VPS8: variants seen among roughly 807,000 people sequenced by gnomAD.
VPS8 encodes vacuolar protein sorting-associated protein 8 homolog.
VPS8 carries 129 observed loss-of-function variants against 216.4 expected under a neutral mutation model. The ratio of observed to expected loss-of-function variants is 0.60; its 90% CI spans 0.52 to 0.69. The LOEUF (loss-of-function observed/expected upper bound fraction) is 0.69. Among genes scored for constraint, VPS8 ranks in the 30% least tolerant of loss-of-function variants. VPS8 has a pLI of 0.00. For synonymous variants in VPS8, 571 were observed against 565.4 expected (o/e 1.01, Z -0.14); for missense variants, 1,531 against 1,683.5 (o/e 0.91, Z 1.59).
chr3:184,821,612 A>C (rs564311600), intron 1 of VPS8, among the ~76,000 whole-genome samples: 1 of 151,970 alleles, frequency 6.6e-6, no homozygotes, highest in Non-Finnish European at 1.5e-5. Flanking sequence ...CAGCCTCCCA[A>C]AGTGCTAGGA....
At chr3:184,949,918 T>G (rs896419852) in intron 36 of VPS8, among the ~76,000 whole-genome samples, 2 of 152,078 alleles carry the variant, frequency 1.3e-5, no homozygotes, top group Admixed American at 6.6e-5. Flanking sequence ...TGTTGTTGTT[T>G]TTTAATTGAG....
chr3:185,015,459 GC>G (rs1037715176), intron 45 of VPS8, among the ~76,000 whole-genome samples: 2 of 152,200 alleles, frequency 1.3e-5, no homozygotes, highest in African/African-American at 4.8e-5. Flanking sequence ...CATATCAAAA[GC>G]AGTCAATACC....
In VPS8 at chr3:184,924,843, G is replaced by T. The variant is rs769659333; in HGVS notation, c.2455-19G>T. ...AAACCAAATGGTGTATTGAATAAAT[G>T]GTCTCCTTTGCTCTTCAGGTTATGG... On this transcript the variant is annotated intron_variant, in intron 29 of 47. Transcript: ENST00000625842. 87 of 1,587,306 alleles carry T rather than the reference G, an allele frequency of 5.5e-5. No individual in the cohort carries two copies. In the Middle Eastern group the frequency reaches 6.7e-4, roughly 12 times the overall value.
chr3:184,917,176 A>G (rs1737740429), intron 28 of VPS8, among the ~76,000 whole-genome samples: 1 of 152,240 alleles, frequency 6.6e-6, no homozygotes, highest in South Asian at 2.1e-4. Context: ...CAAAACATTA[A>G]TAGAAGTTAG....
intron 42 of VPS8, among the ~76,000 whole-genome samples, chr3:184,987,976 CAT>C (rs1245926357): frequency 1.3e-5 from 2 of 152,198 alleles, no homozygotes; most frequent in African/African-American, 2.4e-5. Context: ...TCTCTTACAA[CAT>C]GTGATATTGA....
chr3:185,013,245 T>C (rs1755302645), intron 45 of VPS8, among the ~76,000 whole-genome samples: 1 of 152,224 alleles, frequency 6.6e-6, no homozygotes, highest in East Asian at 1.9e-4. Context: ...ATGGCCAGTT[T>C]GGGGGCCAGT....
chr3:184,947,103 A>G (rs149944480), intron 36 of VPS8, among the ~76,000 whole-genome samples: 1 of 152,348 alleles, frequency 6.6e-6, no homozygotes, highest in East Asian at 1.9e-4. Context: ...GTGGAGAGAT[A>G]GTAAAATCTG....
chr3:184,844,231 G>C (rs546453254), intron 8 of VPS8, among the ~76,000 whole-genome samples: 1 of 152,160 alleles, frequency 6.6e-6, no homozygotes, highest in East Asian at 1.9e-4. Context: ...AGACCAGCCT[G>C]GCCAACATGG....
chr3:184,822,838 T>C (rs939479972), intron 1 of VPS8, among the ~76,000 whole-genome samples: 2 of 152,250 alleles, frequency 1.3e-5, no homozygotes, highest in Non-Finnish European at 2.9e-5. Flanking sequence ...GTTGGAAAGA[T>C]ACTTTAAAAT....
chr3:184,936,047 AT>A (rs552287990), intron 34 of VPS8, among the ~76,000 whole-genome samples, 198 bp from the exon 35 acceptor site: 4,866 of 148,026 alleles, frequency 0.033, 89 homozygotes, highest in Non-Finnish European at 0.046. Context: ...TGAAATTTTG[AT>A]TTTTTTTTTT....
intron 39 of VPS8, among the ~76,000 whole-genome samples, chr3:184,968,517 T>G (rs529825728): frequency 2.2e-4 from 34 of 152,364 alleles, no homozygotes; most frequent in African/African-American, 7.5e-4. Context: ...AGGGTTCCAA[T>G]TTCTCCACAT....
At chr3:184,889,946 A>C (rs1391507633) in intron 22 of VPS8, among the ~76,000 whole-genome samples, 2 of 152,220 alleles carry the variant, frequency 1.3e-5, no homozygotes, top group Non-Finnish European at 2.9e-5. Flanking sequence ...GCAATGACTA[A>C]AGATTTATTA....
intron 1 of VPS8, among the ~76,000 whole-genome samples, chr3:184,815,151 G>A (rs1716037425): frequency 6.6e-6 from 1 of 152,088 alleles, no homozygotes. Flanking sequence ...CCTCCTGAAG[G>A]ACCTGCCTGA....
chr3:184,893,691 A>G (rs148801179), intron 22 of VPS8, among the ~76,000 whole-genome samples: 4 of 152,324 alleles, frequency 2.6e-5, no homozygotes, highest in African/African-American at 9.6e-5. Flanking sequence ...ATTTTTTCAT[A>G]TCTTTTCACT....
At chr3:184,857,792 A>G (rs1398553382) in intron 14 of VPS8, among the ~76,000 whole-genome samples, 2 of 152,218 alleles carry the variant, frequency 1.3e-5, no homozygotes, top group Non-Finnish European at 2.9e-5. Context: ...ATATTTTAGT[A>G]TCTGTGGACC....
chr3:185,052,132 GA>G lies in VPS8; in HGVS notation c.*109del. 1 of 1,314,164 alleles carries G rather than the reference GA, an allele frequency of 7.6e-7. No individual in the cohort carries two copies. The highest frequency in any genetic ancestry group is 1.0e-6 in the Non-Finnish European group (1 of 992,220). The allele number at this position is 1,314,164 out of a possible 1,614,324, so 81.4% of individuals were successfully genotyped here. On this transcript the variant is annotated 3_prime_UTR_variant, in exon 48 of 48. Transcript: ENST00000625842. ...CCTCCACCACCTCCCACGCTTCTGAGAAGAGGTTCCAAATTGGGCTTCTGTG... is the reference window on the plus strand; with the variant it reads ...CCTCCACCACCTCCCACGCTTCTGAGAGAGGTTCCAAATTGGGCTTCTGTG...
intron 2 of VPS8, among the ~76,000 whole-genome samples, chr3:184,825,737 C>T (rs891563981): frequency 5.9e-5 from 9 of 151,976 alleles, no homozygotes; most frequent in African/African-American, 2.2e-4. Flanking sequence ...CCCATCTCTA[C>T]TAAAAATACA....
At chr3:185,035,102 T>G (rs1561217080) in intron 46 of VPS8, among the ~76,000 whole-genome samples, 1 of 151,894 alleles carries the variant, frequency 6.6e-6, no homozygotes, top group African/African-American at 2.4e-5. Flanking sequence ...GAATCAGTAA[T>G]AAAAAAACCC....
intron 25 of VPS8, chr3:184,901,283 T>G (rs1383546499): frequency 1.1e-5 from 3 of 266,582 alleles, no homozygotes; most frequent in African/African-American, 6.7e-5. Flanking sequence ...TCTTTCACTT[T>G]ACGTGGATGA....
Sources: gnomAD v4.1 joint callset for allele counts (sites outside exome capture counted in the v4.1 genomes callset) on GRCh38, gnomAD v4.1.1 for gene constraint, MANE v1.5 for transcripts, NCBI Gene and HGNC (gene_info 2026-07-23, HGNC 2026-07-21) for gene names.